RNF17: variants seen among roughly 807,000 people sequenced by gnomAD.
The protein encoded by RNF17 is ring finger protein 17.
In RNF17, 31 loss-of-function variants were observed where a neutral mutation model predicts 200.5. That is an observed-to-expected ratio of 0.15 (90% CI 0.12 to 0.21). The LOEUF (loss-of-function observed/expected upper bound fraction) is 0.21. Ranked by LOEUF, RNF17 falls within the 10% of genes least tolerant of loss-of-function variation. The probability of loss-of-function intolerance (pLI) is 1.00; values close to 1 mark genes in which losing one functional copy is unlikely to be tolerated. For synonymous variants in RNF17, 606 were observed against 637.8 expected, an observed-to-expected ratio of 0.95 and a Z score of 0.75; for missense variants, 1,628 against 1,905.1, an observed-to-expected ratio of 0.85 and a Z score of 2.71.
At chr13:24,796,342 A>G (rs1451554044) in intron 11 of RNF17, 47 bp downstream of exon 11, 1 of 1,368,558 alleles carries the variant, frequency 7.3e-7, no homozygotes, top group African/African-American at 1.5e-5. Context: ...TATTTAAATA[A>G]TATAATAACT....
downstream of RNF17, chr13:24,884,071 G>T (rs764067875): frequency 2.3e-5 from 37 of 1,608,502 alleles, no homozygotes; most frequent in Non-Finnish European, 3.1e-5. Context: ...TCTTCCATCT[G>T]GGTAATGTTT....
At chr13:24,785,963 A>G (rs1372311633) in intron 6 of RNF17, among the ~76,000 whole-genome samples, 3 of 152,036 alleles carry the variant, frequency 2.0e-5, no homozygotes, top group Non-Finnish European at 4.4e-5. Context: ...CATATTTTTT[A>G]TCCATTCTTC....
chr13:24,789,855 G>C, intron 9 of RNF17, 83 bp downstream of exon 9: 1 of 822,978 alleles, frequency 1.2e-6, no homozygotes. Flanking sequence ...TTGATGTTTA[G>C]TGTAATTCAA....
intron 34 of RNF17, among the ~76,000 whole-genome samples, chr13:24,878,748 T>C (rs1436545162): frequency 6.6e-6 from 1 of 151,598 alleles, no homozygotes; most frequent in Non-Finnish European, 1.5e-5. Context: ...GAGTGGGTCT[T>C]CCTCTCTGTC....
chr13:24,750,731 G>C, the RNF17 span: 21 of 152,228 alleles, frequency 1.4e-4, no homozygotes, highest in African/African-American at 4.8e-4. Context: ...TCTTTTAAAT[G>C]ATGGCATTCA....
chr13:24,800,442 A>G lies in RNF17; in HGVS notation c.1666A>G (p.Arg556Gly). ...IALNDLCLVL[R>G]KSEPYTEGLL... is the part of the protein sequence containing the mutation. ...ACTAAATGATTTATGTCTGGTTCTA[A>G]GGAAATCTGAACCATATACTGAAGG... The change falls in exon 13 of 36, where the codon AGG becomes GGG. Residue 556 changes from arginine (R) to glycine (G), a missense_variant. Physicochemically the swap from Arg to Gly is moderately radical, Grantham distance 125 (BLOSUM62 -2). Around this residue, in one of 5 missense-constraint regions of RNF17, gnomAD observed 289 missense variants for 384.9 expected, o/e 0.75. Transcript: ENST00000255324. The G allele has an allele frequency of 6.2e-7, 1 of 1,613,514 alleles. No individual in the cohort carries two copies. Among genetic ancestry groups the G allele is most frequent in the Non-Finnish European group, 8.5e-7 (1 of 1,179,660 alleles).
At chr13:24,811,846 G>T (rs948698127) in intron 15 of RNF17, among the ~76,000 whole-genome samples, 2 of 152,064 alleles carry the variant, frequency 1.3e-5, no homozygotes, top group African/African-American at 4.8e-5. Flanking sequence ...CTGTTTGTTA[G>T]TTTTCCTTCA....
At chr13:24,859,213 A>G (rs754978978) in intron 26 of RNF17, 49 bp downstream of exon 26, 1 of 1,388,230 alleles carries the variant, frequency 7.2e-7, no homozygotes, top group Non-Finnish European at 9.7e-7. Context: ...ATGCTATAGC[A>G]TTAAATAGTC....
chr13:24,870,396 C>G (rs895274314), intron 31 of RNF17, among the ~76,000 whole-genome samples, 175 bp from the exon 32 acceptor site: 7 of 152,092 alleles, frequency 4.6e-5, no homozygotes, highest in African/African-American at 1.7e-4. Flanking sequence ...ATCATGTTCT[C>G]TTGATCACAA....
chr13:24,830,388 A>G (rs1043408436), intron 16 of RNF17, 96 bp from the exon 17 acceptor site: 1 of 693,462 alleles, frequency 1.4e-6, no homozygotes, highest in African/African-American at 1.8e-5. Context: ...TATTGAAGCT[A>G]AAAGTATTCT....
the RNF17 span, among the ~76,000 whole-genome samples, chr13:24,749,045 C>A: frequency 6.6e-6 from 1 of 152,214 alleles, no homozygotes; most frequent in South Asian, 2.1e-4. Context: ...TGAGTCACTG[C>A]GCCCAGCCAA....
intron 15 of RNF17, among the ~76,000 whole-genome samples, chr13:24,817,733 T>A (rs1272064055): frequency 2.0e-5 from 3 of 152,020 alleles, no homozygotes; most frequent in African/African-American, 7.2e-5. Flanking sequence ...AAAAAAAATT[T>A]TTTTTTTCTT....
intron 1 of RNF17, among the ~76,000 whole-genome samples, chr13:24,764,896 TG>T (rs1879407190): frequency 2.1e-5 from 1 of 47,782 alleles, no homozygotes; most frequent in Non-Finnish European, 5.0e-5. Context: ...GGGGTGTGTG[TG>T]TGTGTGTGTG....
At chr13:24,887,120 T>C in the RNF17 span, among the ~76,000 whole-genome samples, 4 of 151,980 alleles carry the variant, frequency 2.6e-5, no homozygotes, top group South Asian at 6.2e-4. Context: ...GACCCCAAGA[T>C]AGGGAAAGAA....
chr13:24,779,396 G>A (rs1460949360), intron 4 of RNF17, among the ~76,000 whole-genome samples: 2 of 151,920 alleles, frequency 1.3e-5, no homozygotes, highest in East Asian at 1.9e-4. Flanking sequence ...AGTTGAAAAG[G>A]TAATTACAGG....
chr13:24,885,713 T>C, the RNF17 span: 1 of 1,401,556 alleles, frequency 7.1e-7, no homozygotes, highest in South Asian at 1.2e-5. Flanking sequence ...AATATTTAAT[T>C]GAAAATTTTA....
downstream of RNF17, chr13:24,883,491 ATCCCTATAC>A (rs1156765761): frequency 2.8e-6 from 2 of 710,820 alleles, no homozygotes; most frequent in African/African-American, 3.7e-5. Context: ...TCCCTTGGTT[ATCCCTATAC>A]AATTGTAACT....
At chr13:24,858,959 G>T in intron 25 of RNF17, 42 bp from the exon 26 acceptor site, 1 of 1,257,774 alleles carries the variant, frequency 8.0e-7, no homozygotes, top group Admixed American at 2.2e-5. Context: ...AAATGATAGG[G>T]AATTTTCCTT....
intron 22 of RNF17, among the ~76,000 whole-genome samples, chr13:24,847,718 T>C (rs1187199206): frequency 6.6e-6 from 1 of 152,174 alleles, no homozygotes; most frequent in East Asian, 1.9e-4. Flanking sequence ...CTTGTTCTGA[T>C]AGGATACCTT....
Sources: allele counts gnomAD v4.1 joint callset (sites outside exome capture counted in the v4.1 genomes callset), GRCh38; gene constraint gnomAD v4.1.1; regional missense constraint gnomAD v4.1.1; transcripts MANE v1.5; gene names NCBI Gene and HGNC (gene_info 2026-07-23, HGNC 2026-07-21).